Variants in KCNK1 observed in about 807,000 individuals in gnomAD.
KCNK1 encodes the protein potassium two pore domain channel subfamily K member 1.
Under a neutral mutation model 22.2 loss-of-function variants are expected in KCNK1, and 10 were observed. That is an observed-to-expected ratio of 0.45 (90% CI 0.28 to 0.76). The LOEUF (loss-of-function observed/expected upper bound fraction) is 0.76, where lower values mean the gene tolerates loss of function less well. Among genes scored for constraint, KCNK1 ranks in the 30% least tolerant of loss-of-function variants. KCNK1 has a pLI of 0.14. For synonymous variants in KCNK1, 200 were observed against 186.4 expected, an observed-to-expected ratio of 1.07 and a Z score of -0.60; for missense variants, 378 against 421.0, an observed-to-expected ratio of 0.90 and a Z score of 0.89.
chr1:233,651,742 G>GA (rs1658205000), intron 1 of KCNK1, among the ~76,000 whole-genome samples: 1 of 152,218 alleles, frequency 6.6e-6, no homozygotes, highest in Non-Finnish European at 1.5e-5. Flanking sequence ...AGCAGGACGT[G>GA]TGCAGTGTGC....
At chr1:233,620,052 G>T (rs1657555548) in intron 1 of KCNK1, among the ~76,000 whole-genome samples, 1 of 151,904 alleles carries the variant, frequency 6.6e-6, no homozygotes, top group African/African-American at 2.4e-5. Context: ...TTTTCAAATG[G>T]TTGGGACAAA....
In KCNK1 at chr1:233,671,377, G is replaced by C. The variant is rs757866197; in HGVS notation, c.858G>C (p.Lys286Asn). The change falls in exon 3 of 3, where the codon AAG becomes AAC. Residue 286 changes from lysine (K) to asparagine (N), a missense_variant. Transcript: ENST00000366621. ...AAATGTTCTATGTGAAGAAGGACAA[G>C]GACGAGGATCAGGTGCACATCATAG... is the stretch of plus-strand genomic sequence containing the variant. ...FRKMFYVKKD[K>N]DEDQVHIIEH... is the part of the protein sequence containing the mutation. The C allele has an allele frequency of 6.2e-7, 1 of 1,614,210 alleles. No individual in the cohort carries two copies. Among genetic ancestry groups the C allele is most frequent in the South Asian group, 1.1e-5 (1 of 91,088 alleles).
At chr1:233,669,912 C>T (rs1263732790) in intron 2 of KCNK1, among the ~76,000 whole-genome samples, 1 of 152,182 alleles carries the variant, frequency 6.6e-6, no homozygotes, top group African/African-American at 2.4e-5. Flanking sequence ...ATATTGTTTT[C>T]AAAACCTATA....
At chr1:233,628,364 T>A (rs1657725447) in intron 1 of KCNK1, among the ~76,000 whole-genome samples, 1 of 152,120 alleles carries the variant, frequency 6.6e-6, no homozygotes, top group Non-Finnish European at 1.5e-5. Flanking sequence ...ACTATTTGAG[T>A]GATGAGTTCA....
At chr1:233,623,221 G>GA (rs150111283) in intron 1 of KCNK1, among the ~76,000 whole-genome samples, 16 of 128,358 alleles carry the variant, frequency 1.2e-4, no homozygotes, top group East Asian at 6.7e-4. Context: ...TGGTTAGCAA[G>GA]AAAAAAAAAA....
chr1:233,642,247 T>C (rs936718321), intron 1 of KCNK1, among the ~76,000 whole-genome samples: 3 of 152,154 alleles, frequency 2.0e-5, no homozygotes, highest in African/African-American at 7.2e-5. Flanking sequence ...GATGTGTTGT[T>C]TGTGTTAAAG....
intron 1 of KCNK1, among the ~76,000 whole-genome samples, chr1:233,636,002 A>G (rs1046563350): frequency 2.0e-5 from 3 of 152,196 alleles, no homozygotes; most frequent in South Asian, 2.1e-4. Context: ...GGGAAAGACC[A>G]TTCAGGCCAT....
chr1:233,638,951 C>T (rs971713648), intron 1 of KCNK1, among the ~76,000 whole-genome samples: 1 of 152,150 alleles, frequency 6.6e-6, no homozygotes, highest in Non-Finnish European at 1.5e-5. Flanking sequence ...AAAAATAACA[C>T]TCACTGTTTG....
intron 1 of KCNK1, among the ~76,000 whole-genome samples, chr1:233,656,697 C>A (rs1460043329): frequency 6.6e-6 from 1 of 152,206 alleles, no homozygotes; most frequent in African/African-American, 2.4e-5. Flanking sequence ...TGGCTCACTG[C>A]AGCCTCAACC....
intron 2 of KCNK1, among the ~76,000 whole-genome samples, chr1:233,670,514 C>A (rs1658578666): frequency 6.6e-6 from 1 of 152,184 alleles, no homozygotes; most frequent in South Asian, 2.1e-4. Context: ...GGAAGCCTCA[C>A]AATCATGGTG....
chr1:233,646,594 C>G (rs749317790), intron 1 of KCNK1, among the ~76,000 whole-genome samples: 1 of 151,464 alleles, frequency 6.6e-6, no homozygotes, highest in Non-Finnish European at 1.5e-5. Context: ...TAGGAAAAGC[C>G]GAGTGCAGGG....
At chr1:233,663,400 T>G (rs1004714915) in intron 1 of KCNK1, among the ~76,000 whole-genome samples, 2 of 152,240 alleles carry the variant, frequency 1.3e-5, no homozygotes, top group Non-Finnish European at 1.5e-5. Context: ...AACATTTTAG[T>G]AAATGAGATT....
At chr1:233,631,088 C>G (rs1234695604) in intron 1 of KCNK1, among the ~76,000 whole-genome samples, 1 of 152,174 alleles carries the variant, frequency 6.6e-6, no homozygotes, top group Non-Finnish European at 1.5e-5. Flanking sequence ...TAATGTCACC[C>G]TTACTTCTGT....
At chr1:233,669,805 T>G (rs7512790) in intron 2 of KCNK1, among the ~76,000 whole-genome samples, 1 of 152,062 alleles carries the variant, frequency 6.6e-6, no homozygotes, top group African/African-American at 2.4e-5. Flanking sequence ...CAAAAAATAG[T>G]AATAAGAATA....
intron 1 of KCNK1, among the ~76,000 whole-genome samples, chr1:233,623,448 A>G (rs1015476584): frequency 2.6e-5 from 4 of 152,242 alleles, no homozygotes; most frequent in African/African-American, 9.6e-5. Flanking sequence ...TCCCAACACA[A>G]AGAAATGATA....
chr1:233,630,522 C>T (rs1473300503), intron 1 of KCNK1: 1 of 152,198 alleles, frequency 6.6e-6, no homozygotes, highest in African/African-American at 2.4e-5. Flanking sequence ...CCCAATATTA[C>T]AAGTCTGTTC....
chr1:233,646,192 T>C (rs1048135253), intron 1 of KCNK1, among the ~76,000 whole-genome samples: 6 of 151,976 alleles, frequency 3.9e-5, no homozygotes, highest in Non-Finnish European at 7.4e-5. Context: ...GAGATGAAGG[T>C]CAGTAAGTTA....
chr1:233,646,448 G>A (rs1048104768), intron 1 of KCNK1, among the ~76,000 whole-genome samples: 6 of 152,168 alleles, frequency 3.9e-5, no homozygotes, highest in African/African-American at 1.4e-4. Flanking sequence ...CTGCCTAGAG[G>A]ATAAGATGCT....
intron 1 of KCNK1, chr1:233,650,007 G>T: frequency 1.9e-6 from 1 of 533,498 alleles, no homozygotes; most frequent in South Asian, 1.4e-5. Flanking sequence ...AGCCTTTCAA[G>T]TGCCTAAAGG....
Sources: allele counts gnomAD v4.1 joint callset (sites outside exome capture counted in the v4.1 genomes callset), GRCh38; gene constraint gnomAD v4.1.1; transcripts MANE v1.5; gene names NCBI Gene and HGNC (gene_info 2026-07-23, HGNC 2026-07-21).